SLC45A4: variants seen among roughly 807,000 people sequenced by gnomAD.
SLC45A4 encodes solute carrier family 45 member 4.
A neutral mutation model predicts 63.7 loss-of-function variants in SLC45A4; 32 were observed. The observed-to-expected ratio is 0.50, with a 90% CI of 0.38 to 0.67. SLC45A4 has a LOEUF of 0.67. Among genes scored for constraint, SLC45A4 ranks in the 30% least tolerant of loss-of-function variants. The pLI is 0.00. For synonymous variants in SLC45A4, 535 were observed against 510.0 expected (o/e 1.05, Z -0.66); for missense variants, 1,027 against 1,157.7 (o/e 0.89, Z 1.64).
At chr8:141,272,059 C>A (rs747121174) in intron 1 of SLC45A4, among the ~76,000 whole-genome samples, 1 of 152,192 alleles carries the variant, frequency 6.6e-6, no homozygotes, top group South Asian at 2.1e-4. Flanking sequence ...CACACACCTG[C>A]GCACACACAT....
In SLC45A4 at chr8:141,227,079, T is replaced by C. The variant is rs11783506; in HGVS notation, c.242-5314A>G. On this transcript the variant is annotated intron_variant, in intron 2 of 8. Transcript: ENST00000517878. This position sits in a 1 kb window ranked among gnomAD's most constrained non-coding sequence, Gnocchi z 4.4. The stretch of plus-strand genomic sequence containing the variant: ...CCACTGGGACGGCTCTGACGGGGCA[T>C]TTCCCAGCCCGGCTCCAAACACACA... 0.092 allele frequency: 14,076 copies of C among 152,288 alleles called. 739 individuals carry two copies. The highest frequency in any genetic ancestry group is 0.25 in the East Asian group (1,292 of 5,168). The allele number at this position is 152,288 out of a possible 1,614,324, so 9.4% of individuals were successfully genotyped here.
rs1226939655 is a variant in SLC45A4, at chr8:141,221,654, C to T, written c.353G>A (p.Arg118His). 12 of 1,613,960 alleles carry T rather than the reference C, an allele frequency of 7.4e-6. No individual in the cohort carries two copies. The highest frequency in any genetic ancestry group is 2.7e-5 in the African/African-American group (2 of 74,958). The change falls in exon 3 of 9, where the codon CGC (arginine) becomes CAC (histidine). Residue 118 changes from arginine to histidine, a missense_variant. Arg to His is a conservative substitution (Grantham distance 29). Transcript: ENST00000517878. Reference sequence around the variant, plus strand: ...GAGGGCGAGGATGAAGGGCCGCCGGCGGCCCCAGCTCAGGGTGCACCGGTC... The same window carrying T: ...GAGGGCGAGGATGAAGGGCCGCCGGTGGCCCCAGCTCAGGGTGCACCGGTC... The part of the protein sequence containing the change: ...ASDRCTLSWG[R>H]RRPFILALCV...
chr8:141,259,816 C>T (rs2154614775), intron 1 of SLC45A4, among the ~76,000 whole-genome samples: 1 of 152,336 alleles, frequency 6.6e-6, no homozygotes, highest in Non-Finnish European at 1.5e-5. Context: ...CTTTCCCTTC[C>T]ATATGCACCG....
chr8:141,256,622 A>G lies in SLC45A4; in HGVS notation c.-400-1993T>C, dbSNP rs1265567747. ...CCAGCTCTTCCCTACATCTTCTTTC[A>G]CGCTGCAGCGGAAACCAGAATGCCT... On this transcript the variant is annotated intron_variant, in intron 1 of 8. Transcript: ENST00000517878. The surrounding 1 kb of genome is among the most constrained non-coding windows in gnomAD (Gnocchi z 4.3). 2.2e-6 allele frequency: 1 copy of G among 456,162 alleles called. No homozygotes were observed. Among genetic ancestry groups the G allele is most frequent in the East Asian group, 7.0e-5 (1 of 14,386 alleles). 28.3% of individuals were successfully genotyped at this position (456,162 alleles called of 1,614,324 possible).
intron 1 of SLC45A4, among the ~76,000 whole-genome samples, chr8:141,275,230 G>C (rs1414009756): frequency 1.3e-5 from 2 of 152,180 alleles, no homozygotes; most frequent in Non-Finnish European, 2.9e-5. Context: ...AAAGTCAGCT[G>C]TTCAGAACCA....
intron 1 of SLC45A4, among the ~76,000 whole-genome samples, chr8:141,274,466 G>A (rs921286679): frequency 1.3e-5 from 2 of 150,914 alleles, no homozygotes. Context: ...CCCGGGAGGC[G>A]GAGGTTGCAG....
At chr8:141,212,950 A>G (rs1825927860) in intron 7 of SLC45A4, among the ~76,000 whole-genome samples, 1 of 152,244 alleles carries the variant, frequency 6.6e-6, no homozygotes, top group Admixed American at 6.5e-5. Flanking sequence ...GATGCCTCCC[A>G]AAGTATAACT....
intron 2 of SLC45A4, among the ~76,000 whole-genome samples, chr8:141,230,884 C>T (rs916489961): frequency 5.3e-5 from 8 of 152,228 alleles, no homozygotes; most frequent in African/African-American, 7.2e-5. Context: ...CCCAACGACG[C>T]GGAACCAGGC....
chr8:141,267,358 T>C (rs1361538438), intron 1 of SLC45A4, among the ~76,000 whole-genome samples: 1 of 152,244 alleles, frequency 6.6e-6, no homozygotes, highest in African/African-American at 2.4e-5. Flanking sequence ...CGCTGAGGGA[T>C]GGAGGCAGGC....
In SLC45A4 at chr8:141,307,195, T is replaced by C. The variant is rs1282485847; in HGVS notation, c.-401+901A>G. ...CCGCTGGAAAAGCCGCTGCTGGAAG[T>C]GCTCCAATCCAGAGCAGGATACCTG... On this transcript the variant is annotated intron_variant, in intron 1 of 8. Transcript: ENST00000517878. Among the ~76,000 whole-genome samples the C allele has an allele frequency of 2.0e-5, 3 of 152,124 alleles. No individual in the cohort carries two copies. The East Asian group carries it at 5.8e-4, about 29-fold the overall frequency.
intron 1 of SLC45A4, among the ~76,000 whole-genome samples, chr8:141,269,093 CCT>C (rs1829404616): frequency 6.6e-6 from 1 of 152,322 alleles, no homozygotes; most frequent in East Asian, 1.9e-4. Context: ...TGCAGCCACT[CCT>C]GAGTCATACG....
At chr8:141,279,734 T>A (rs1829865459) in intron 1 of SLC45A4, among the ~76,000 whole-genome samples, 1 of 152,240 alleles carries the variant, frequency 6.6e-6, no homozygotes, top group South Asian at 2.1e-4. Flanking sequence ...AAGGAGTCTT[T>A]ACAAGAACAG....
intron 2 of SLC45A4, among the ~76,000 whole-genome samples, chr8:141,233,366 A>G (rs1270490403): frequency 6.6e-6 from 1 of 152,184 alleles, no homozygotes; most frequent in Non-Finnish European, 1.5e-5. Flanking sequence ...GCAGTTTATC[A>G]ATAAAGATCT....
rs1569558886 is a variant in SLC45A4 at position 141,256,376 on chromosome 8, A to G, written c.-400-1747T>C. 1 of 350,668 alleles carries G rather than the reference A, an allele frequency of 2.9e-6. No individual in the cohort carries two copies. Among genetic ancestry groups the G allele is most frequent in the East Asian group, 7.5e-5 (1 of 13,332 alleles). 21.7% of individuals were successfully genotyped at this position (350,668 alleles called of 1,614,324 possible). On this transcript the variant is annotated intron_variant, in intron 1 of 8. Transcript: ENST00000517878. This position sits in a 1 kb window ranked among gnomAD's most constrained non-coding sequence, Gnocchi z 4.3. ...TCCAACAACTGGTTTCAACAAAAAT[A>G]TTTCTCATTACTTTCCACCGAACCA...
intron 1 of SLC45A4, among the ~76,000 whole-genome samples, chr8:141,307,594 A>G (rs1353208530): frequency 6.6e-6 from 1 of 151,814 alleles, no homozygotes; most frequent in African/African-American, 2.4e-5. Context: ...GACAGAGGGG[A>G]GAGGGGGCCA....
intron 2 of SLC45A4, among the ~76,000 whole-genome samples, chr8:141,248,223 C>A (rs1200760607): frequency 6.6e-6 from 1 of 152,162 alleles, no homozygotes; most frequent in East Asian, 1.9e-4. Flanking sequence ...ATATTTGATA[C>A]ACCAAATTTC....
At chr8:141,272,292 A>T (rs1829569782) in intron 1 of SLC45A4, among the ~76,000 whole-genome samples, 1 of 152,232 alleles carries the variant, frequency 6.6e-6, no homozygotes, top group Non-Finnish European at 1.5e-5. Flanking sequence ...AATACACTAA[A>T]GCCAAAATCT....
intron 2 of SLC45A4, among the ~76,000 whole-genome samples, chr8:141,248,697 C>T (rs769565534): frequency 1.3e-5 from 2 of 152,128 alleles, no homozygotes; most frequent in African/African-American, 2.4e-5. Flanking sequence ...AAAACCTCGT[C>T]TCAATAAAGT....
intron 2 of SLC45A4, among the ~76,000 whole-genome samples, chr8:141,222,640 C>T (rs1001152667): frequency 5.9e-5 from 9 of 152,216 alleles, no homozygotes; most frequent in African/African-American, 1.7e-4. Flanking sequence ...CAAACAGTGT[C>T]GGCAGTCACA....
Sources: allele counts gnomAD v4.1 joint callset (sites outside exome capture counted in the v4.1 genomes callset), GRCh38; gene constraint gnomAD v4.1.1; non-coding constraint Gnocchi (gnomAD v3.1); transcripts MANE v1.5; gene names NCBI Gene and HGNC (gene_info 2026-07-23, HGNC 2026-07-21).